LIN28B: variants seen among roughly 807,000 people sequenced by gnomAD.
LIN28B encodes the protein protein lin-28 homolog B.
In LIN28B, 5 loss-of-function variants were observed where a neutral mutation model predicts 21.9. That is an observed-to-expected ratio of 0.23 (90% CI 0.12 to 0.48). The LOEUF is 0.48. Ranked by LOEUF, LIN28B falls within the 20% of genes least tolerant of loss-of-function variation. The pLI is 0.98. For synonymous variants in LIN28B, 109 were observed against 111.3 expected, an observed-to-expected ratio of 0.98 and a Z score of 0.13; for missense variants, 245 against 310.5, an observed-to-expected ratio of 0.79 and a Z score of 1.58.
intron 2 of LIN28B, among the ~76,000 whole-genome samples, chr6:105,018,405 T>C (rs1582898493): frequency 6.6e-6 from 1 of 152,310 alleles, no homozygotes; most frequent in Middle Eastern, 3.4e-3. Flanking sequence ...TCCTCAAACA[T>C]TGTATTAACT....
intron 3 of LIN28B, among the ~76,000 whole-genome samples, chr6:105,035,909 A>G (rs1166358500): frequency 6.6e-6 from 1 of 152,226 alleles, no homozygotes; most frequent in South Asian, 2.1e-4. Flanking sequence ...ATATGGTAAT[A>G]TGAAGTGACT....
Position 105,083,045 on chromosome 6 carries a change from G to A in LIN28B, c.*4262G>A, listed in dbSNP as rs1166596599. On this transcript the variant is annotated 3_prime_UTR_variant, in exon 4 of 4. Transcript: ENST00000345080. ...TTATCTAGTGTTTTTAAATTATCCT[G>A]TGTAGTATTTAGATTACCTCATTGT... 3.3e-5 allele frequency: 5 copies of A among 152,658 alleles called. No homozygotes were observed. The highest frequency in any genetic ancestry group is 3.3e-4 in the Admixed American group (5 of 15,284). 9.5% of individuals were successfully genotyped at this position (152,658 alleles called of 1,614,324 possible). A position where few individuals can be genotyped will look rare whatever the true frequency, so the allele number is the denominator to read the frequency against.
chr6:104,937,584 T>G (rs796595695), intron 2 of LIN28B, among the ~76,000 whole-genome samples: 38 of 152,290 alleles, frequency 2.5e-4, no homozygotes, highest in African/African-American at 8.9e-4. Context: ...TTTCAAATTG[T>G]TTTAATGTAG....
intron 2 of LIN28B, among the ~76,000 whole-genome samples, chr6:104,938,258 T>C (rs919331418): frequency 6.6e-6 from 1 of 150,500 alleles, no homozygotes; most frequent in East Asian, 1.9e-4. Context: ...AAAGGGGAGG[T>C]TGGAAATAAG....
chr6:105,060,366 C>T (rs1201346518), intron 3 of LIN28B, among the ~76,000 whole-genome samples: 1 of 152,102 alleles, frequency 6.6e-6, no homozygotes, highest in Non-Finnish European at 1.5e-5. Flanking sequence ...TGGGCTCAAG[C>T]GATCTGCCCA....
chr6:104,942,499 A>G (rs1012807425), intron 2 of LIN28B, among the ~76,000 whole-genome samples: 1 of 152,002 alleles, frequency 6.6e-6, no homozygotes, highest in Admixed American at 6.6e-5. Context: ...TGTATGAAAA[A>G]ATAAATTTGC....
At chr6:104,972,702 G>C (rs74673495) in intron 2 of LIN28B, among the ~76,000 whole-genome samples, 1 of 152,068 alleles carries the variant, frequency 6.6e-6, no homozygotes, top group African/African-American at 2.4e-5. Context: ...TTTTCAAATA[G>C]TTGAAATATG....
chr6:105,045,719 A>G lies in LIN28B; in HGVS notation c.383+19237A>G, dbSNP rs566433702. 5.9e-5 allele frequency: 9 copies of G among 152,286 alleles called. No individual in the cohort carries two copies. In the South Asian group the frequency reaches 1.7e-3, roughly 28 times the overall value. The allele number at this position is 152,286 out of a possible 1,614,324, so 9.4% of individuals were successfully genotyped here. A position where few individuals can be genotyped will look rare whatever the true frequency, so the allele number is the denominator to read the frequency against. ...AATCATATCTGTACACACTTAGACA[A>G]TGCTAAACCAATTACTCATTATTTG... On this transcript the variant is annotated intron_variant, in intron 3 of 3. Coordinates refer to ENST00000345080, the MANE Select transcript of LIN28B (RefSeq NM_001004317.4).
chr6:105,067,621 GTTGT>G (rs75568085), intron 3 of LIN28B, among the ~76,000 whole-genome samples: 11,313 of 152,012 alleles, frequency 0.074, 407 homozygotes, highest in Middle Eastern at 0.095. Flanking sequence ...TGTCTGAGAT[GTTGT>G]TTATCATGTA....
chr6:104,952,930 C>G (rs373167500), upstream of LIN28B, among the ~76,000 whole-genome samples: 7 of 152,114 alleles, frequency 4.6e-5, no homozygotes, highest in South Asian at 1.2e-3. Flanking sequence ...TAGAATTTTG[C>G]TTTTTGGAAA....
At chr6:105,017,968 GAT>G (rs1271369537) in intron 2 of LIN28B, among the ~76,000 whole-genome samples, 1 of 152,164 alleles carries the variant, frequency 6.6e-6, no homozygotes, top group African/African-American at 2.4e-5. Flanking sequence ...AAGTGCTTAA[GAT>G]GTCAATCAAA....
At chr6:105,066,853 C>G (rs913902142) in intron 3 of LIN28B, among the ~76,000 whole-genome samples, 3 of 151,462 alleles carry the variant, frequency 2.0e-5, no homozygotes, top group African/African-American at 7.3e-5. Context: ...GAATGACTTA[C>G]AAAATAATGT....
chr6:104,991,876 C>T (rs115663686), intron 2 of LIN28B, among the ~76,000 whole-genome samples: 123 of 152,208 alleles, frequency 8.1e-4, no homozygotes, highest in African/African-American at 2.7e-3. Context: ...GTCGGGGTGG[C>T]GGCGTGCGCC....
intron 2 of LIN28B, among the ~76,000 whole-genome samples, chr6:104,969,750 TTGAA>T (rs1769935306): frequency 6.6e-6 from 1 of 152,206 alleles, no homozygotes; most frequent in Admixed American, 6.5e-5. Context: ...TTGAATTAAT[TTGAA>T]TGAGAGCTAT....
At chr6:105,069,469 A>G (rs1401179440) in intron 3 of LIN28B, among the ~76,000 whole-genome samples, 1 of 152,152 alleles carries the variant, frequency 6.6e-6, no homozygotes, top group Non-Finnish European at 1.5e-5. Context: ...TCACGCCTCT[A>G]ATCCCAGCAC....
chr6:105,066,317 A>T (rs1256210389), intron 3 of LIN28B, among the ~76,000 whole-genome samples: 3 of 152,236 alleles, frequency 2.0e-5, no homozygotes, highest in Non-Finnish European at 4.4e-5. Context: ...CAGCATTATT[A>T]GTTGCATCAA....
chr6:105,080,521 A>C lies in LIN28B; in HGVS notation c.*1738A>C, dbSNP rs904171563. 2.0e-5 allele frequency: 3 copies of C among 152,626 alleles called. No homozygotes were observed. Among genetic ancestry groups the C allele is most frequent in the African/African-American group, 7.2e-5 (3 of 41,436 alleles). 9.5% of individuals were successfully genotyped at this position (152,626 alleles called of 1,614,324 possible). On this transcript the variant is annotated 3_prime_UTR_variant, in exon 4 of 4. Transcript: ENST00000345080. ...TCAGGTTGGGTTGCCAGTCCTTTAC[A>C]ACTCAGCTTGAATTTCACAACAGTG...
At chr6:105,068,996 C>A (rs1772276298) in intron 3 of LIN28B, among the ~76,000 whole-genome samples, 1 of 152,008 alleles carries the variant, frequency 6.6e-6, no homozygotes, top group Non-Finnish European at 1.5e-5. Context: ...GCAGGCAGAT[C>A]ACTTGAGGCC....
chr6:105,069,561 C>CA (rs1197017124), intron 3 of LIN28B, among the ~76,000 whole-genome samples: 1 of 145,974 alleles, frequency 6.9e-6, no homozygotes, highest in Non-Finnish European at 1.5e-5. Context: ...CCCGTCTCTA[C>CA]AAAAAATTTA....
Sources: gnomAD v4.1 joint callset for allele counts (sites outside exome capture counted in the v4.1 genomes callset) on GRCh38, gnomAD v4.1.1 for gene constraint, MANE v1.5 for transcripts, NCBI Gene and HGNC (gene_info 2026-07-23, HGNC 2026-07-21) for gene names.